Variants in SCHIP1 observed in about 807,000 individuals in gnomAD.
The protein encoded by SCHIP1 is schwannomin-interacting protein 1.
A neutral mutation model predicts 29.7 loss-of-function variants in SCHIP1; 8 were observed. The observed-to-expected ratio is 0.27, with a 90% CI of 0.16 to 0.49. SCHIP1 has a LOEUF of 0.49. Among genes scored for constraint, SCHIP1 ranks in the 20% least tolerant of loss-of-function variants. SCHIP1 has a pLI of 0.99. For missense variants in SCHIP1, 193 were observed against 294.6 expected, an observed-to-expected ratio of 0.66 and a Z score of 2.52; for synonymous variants, 76 against 94.9, an observed-to-expected ratio of 0.80 and a Z score of 1.16.
At chr3:159,523,297 A>G in the SCHIP1 span, among the ~76,000 whole-genome samples, 4 of 152,364 alleles carry the variant, frequency 2.6e-5, no homozygotes, top group South Asian at 8.3e-4. Flanking sequence ...TATAGTTTTA[A>G]TAGCTTGTTT....
the SCHIP1 span, among the ~76,000 whole-genome samples, chr3:159,738,591 A>G: frequency 3.4e-4 from 52 of 152,358 alleles, no homozygotes; most frequent in African/African-American, 1.1e-3. Context: ...TAAATGACAT[A>G]TAACTTAATG....
At chr3:159,287,991 T>G in the SCHIP1 span, among the ~76,000 whole-genome samples, 2 of 152,232 alleles carry the variant, frequency 1.3e-5, no homozygotes, top group Non-Finnish European at 2.9e-5. Context: ...TATACTTGCT[T>G]GATAAAAGTA....
At chr3:159,618,174 T>C in the SCHIP1 span, among the ~76,000 whole-genome samples, 273 of 152,316 alleles carry the variant, frequency 1.8e-3, no homozygotes, top group African/African-American at 6.3e-3. Flanking sequence ...AGTGGTTAAG[T>C]GACTTGACCA....
the SCHIP1 span, among the ~76,000 whole-genome samples, chr3:159,462,774 C>G: frequency 3.3e-5 from 5 of 152,058 alleles, no homozygotes; most frequent in East Asian, 9.7e-4. Flanking sequence ...AGAGAAACAC[C>G]ATTTTATCCA....
At chr3:159,747,926 A>G in the SCHIP1 span, among the ~76,000 whole-genome samples, 126 of 152,338 alleles carry the variant, frequency 8.3e-4, no homozygotes, top group Middle Eastern at 3.4e-3. Context: ...TGTCTCATTA[A>G]AGTGGATCCT....
At chr3:159,487,715 AG>A in the SCHIP1 span, among the ~76,000 whole-genome samples, 1 of 152,168 alleles carries the variant, frequency 6.6e-6, no homozygotes, top group Non-Finnish European at 1.5e-5. Context: ...AGCCCACCTA[AG>A]AAAAGTGTCT....
At chr3:159,618,239 A>G in the SCHIP1 span, among the ~76,000 whole-genome samples, 11 of 152,198 alleles carry the variant, frequency 7.2e-5, no homozygotes, top group Non-Finnish European at 1.5e-4. Flanking sequence ...GAGAAGGAAA[A>G]TACTATTTCC....
the SCHIP1 span, among the ~76,000 whole-genome samples, chr3:159,584,493 G>A: frequency 2.4e-4 from 37 of 152,262 alleles, 1 homozygote; most frequent in Middle Eastern, 3.4e-3. Context: ...CATCATTGTG[G>A]TTAAGAAGTT....
chr3:159,772,054 A>G, the SCHIP1 span, among the ~76,000 whole-genome samples: 2 of 152,164 alleles, frequency 1.3e-5, no homozygotes, highest in African/African-American at 4.8e-5. Context: ...TTCCAGTTCC[A>G]GACTCCTTGC....
the SCHIP1 span, among the ~76,000 whole-genome samples, chr3:159,527,459 A>G: frequency 6.6e-6 from 1 of 152,196 alleles, no homozygotes; most frequent in Non-Finnish European, 1.5e-5. Flanking sequence ...CCACGGTGAC[A>G]CTAAGAAACA....
chr3:159,449,542 T>C, the SCHIP1 span, among the ~76,000 whole-genome samples: 2 of 152,146 alleles, frequency 1.3e-5, no homozygotes, highest in African/African-American at 2.4e-5. Flanking sequence ...TCATACATCA[T>C]AATACTTCAG....
the SCHIP1 span, among the ~76,000 whole-genome samples, chr3:159,448,740 G>A: frequency 2.0e-5 from 3 of 152,120 alleles, no homozygotes; most frequent in Non-Finnish European, 2.9e-5. Flanking sequence ...TACAAACAAT[G>A]GAACTTTCTG....
the SCHIP1 span, among the ~76,000 whole-genome samples, chr3:159,531,330 C>T: frequency 6.6e-6 from 1 of 152,212 alleles, no homozygotes; most frequent in African/African-American, 2.4e-5. Context: ...TGCTTTCTCC[C>T]TGATAATGTA....
At chr3:159,815,077 C>T in the SCHIP1 span, among the ~76,000 whole-genome samples, 1 of 152,160 alleles carries the variant, frequency 6.6e-6, no homozygotes, top group Non-Finnish European at 1.5e-5. Context: ...CGGACACCCT[C>T]CATGGAGCAT....
the SCHIP1 span, among the ~76,000 whole-genome samples, chr3:159,828,969 C>A: frequency 6.6e-6 from 1 of 152,196 alleles, no homozygotes; most frequent in Non-Finnish European, 1.5e-5. Context: ...CAAATTTATA[C>A]TACTTTTCAC....
chr3:159,724,995 T>A, the SCHIP1 span, among the ~76,000 whole-genome samples: 3 of 152,244 alleles, frequency 2.0e-5, no homozygotes. Context: ...AATATATTCA[T>A]CTTGTTTTCA....
the SCHIP1 span, among the ~76,000 whole-genome samples, chr3:159,424,517 G>A: frequency 6.6e-6 from 1 of 152,156 alleles, no homozygotes; most frequent in South Asian, 2.1e-4. Context: ...AATGAACAAA[G>A]CCTCCAAGAA....
the SCHIP1 span, among the ~76,000 whole-genome samples, chr3:159,709,901 C>T: frequency 6.6e-6 from 1 of 152,102 alleles, no homozygotes; most frequent in African/African-American, 2.4e-5. Context: ...AAATTGCACA[C>T]CTTGTAGAAT....
the SCHIP1 span, among the ~76,000 whole-genome samples, chr3:159,514,400 T>C: frequency 1.3e-5 from 2 of 152,348 alleles, no homozygotes; most frequent in South Asian, 2.1e-4. Context: ...TAAAGTACTT[T>C]ATAATGAATT....
Sources: allele counts gnomAD v4.1 joint callset (sites outside exome capture counted in the v4.1 genomes callset), GRCh38; gene constraint gnomAD v4.1.1; transcripts MANE v1.5; gene names NCBI Gene and HGNC (gene_info 2026-07-23, HGNC 2026-07-21).